Variants in PDE8B observed in about 807,000 individuals in gnomAD.
PDE8B encodes high affinity cAMP-specific and IBMX-insensitive 3',5'-cyclic phosphodiesterase 8B.
A neutral mutation model predicts 101.3 loss-of-function variants in PDE8B; 26 were observed. The observed-to-expected ratio is 0.26, with a 90% CI of 0.19 to 0.36. The LOEUF (loss-of-function observed/expected upper bound fraction) is 0.36, where lower values mean the gene tolerates loss of function less well. Among genes scored for constraint, PDE8B ranks in the 10% least tolerant of loss-of-function variants. PDE8B has a pLI of 1.00. For missense variants in PDE8B, 810 were observed against 1,163.1 expected, an observed-to-expected ratio of 0.70 and a Z score of 4.42; for synonymous variants, 424 against 429.3, an observed-to-expected ratio of 0.99 and a Z score of 0.15.
intron 12 of PDE8B, 63 bp downstream of exon 12, chr5:77,404,860 T>TA (rs896574636): frequency 2.7e-5 from 29 of 1,073,974 alleles, no homozygotes; most frequent in Middle Eastern, 4.0e-4. Flanking sequence ...AAGAATATGT[T>TA]AAAAAATTCA....
the PDE8B span, among the ~76,000 whole-genome samples, chr5:77,165,986 A>AG: frequency 7.5e-6 from 1 of 133,484 alleles, no homozygotes; most frequent in Non-Finnish European, 1.7e-5. Flanking sequence ...AAAAAAAAAA[A>AG]AAAAAGAAAA....
chr5:77,395,362 G>C (rs368777187), intron 10 of PDE8B, among the ~76,000 whole-genome samples: 26 of 151,592 alleles, frequency 1.7e-4, no homozygotes, highest in Non-Finnish European at 3.1e-4. Flanking sequence ...TGATCCGCCC[G>C]CCTCAGCCTC....
At chr5:77,179,966 T>C in the PDE8B span, among the ~76,000 whole-genome samples, 1 of 152,176 alleles carries the variant, frequency 6.6e-6, no homozygotes, top group Admixed American at 6.5e-5. Context: ...TGAAAATCTC[T>C]TTAAAATTAT....
At chr5:77,303,960 C>G (rs1395984486) in intron 1 of PDE8B, among the ~76,000 whole-genome samples, 1 of 152,128 alleles carries the variant, frequency 6.6e-6, no homozygotes, top group Non-Finnish European at 1.5e-5. Flanking sequence ...TATTAATAGA[C>G]TATGGATTCA....
upstream of PDE8B, among the ~76,000 whole-genome samples, chr5:77,206,103 C>T (rs76213989): frequency 0.027 from 4,113 of 152,210 alleles, 200 homozygotes; most frequent in African/African-American, 0.093. Context: ...TAACCCCTTC[C>T]ATTTTGGGTA....
At chr5:77,122,736 C>T in the PDE8B span, among the ~76,000 whole-genome samples, 1 of 152,180 alleles carries the variant, frequency 6.6e-6, no homozygotes, top group Non-Finnish European at 1.5e-5. Context: ...CACTAAAAAT[C>T]CTTTTCAAAA....
chr5:77,219,807 A>G (rs142749935), intron 1 of PDE8B, among the ~76,000 whole-genome samples: 165 of 152,322 alleles, frequency 1.1e-3, no homozygotes, highest in African/African-American at 3.9e-3. Context: ...AGTTGGAACT[A>G]GAAGTCTCTT....
chr5:77,197,229 A>C, the PDE8B span, among the ~76,000 whole-genome samples: 5 of 146,314 alleles, frequency 3.4e-5, no homozygotes, highest in Non-Finnish European at 5.9e-5. Flanking sequence ...CTCCTGCCTC[A>C]CCCTCCCAAG....
chr5:77,097,693 CTATATATATATATCTATA>C, the PDE8B span, among the ~76,000 whole-genome samples: 1 of 30,218 alleles, frequency 3.3e-5, no homozygotes. Context: ...TTTTATATAT[CTATATATATATATCTATA>C]TATATATATA....
chr5:77,097,178 C>G, the PDE8B span, among the ~76,000 whole-genome samples: 21 of 152,036 alleles, frequency 1.4e-4, no homozygotes, highest in Non-Finnish European at 2.8e-4. Flanking sequence ...AGAGAGAAGG[C>G]GAAGGAGGAA....
At chr5:77,182,176 T>C in the PDE8B span, among the ~76,000 whole-genome samples, 2 of 152,054 alleles carry the variant, frequency 1.3e-5, no homozygotes, top group African/African-American at 4.8e-5. Context: ...TGGATTCCAC[T>C]CTGGCAGTAA....
Position 77,427,463 on chromosome 5 carries a change from G to A in PDE8B, c.*909G>A, listed in dbSNP as rs1798355283. 6.6e-6 allele frequency: 1 copy of A among 151,884 alleles called. No homozygotes were observed. The highest frequency in any genetic ancestry group is 1.5e-5 in the Non-Finnish European group (1 of 67,972). The allele number at this position is 151,884 out of a possible 1,614,324, so 9.4% of individuals were successfully genotyped here. A position where few individuals can be genotyped will look rare whatever the true frequency, so the allele number is the denominator to read the frequency against. On this transcript the variant is annotated 3_prime_UTR_variant, in exon 22 of 22. Coordinates refer to ENST00000264917, the MANE Select transcript of PDE8B (RefSeq NM_003719.5). ...ATTTTTATTAAAATCCAAATTTTCT[G>A]GGTGTAAGCCCATGCAGTATGTTGT...
chr5:77,108,572 A>G, the PDE8B span, among the ~76,000 whole-genome samples: 1 of 152,188 alleles, frequency 6.6e-6, no homozygotes, highest in South Asian at 2.1e-4. Flanking sequence ...AGTCCCAGCT[A>G]TTTAGGAGGC....
chr5:77,419,770 C>T lies in PDE8B; in HGVS notation c.2133C>T (p.Asn711=). 1.2e-6 allele frequency: 2 copies of T among 1,613,946 alleles called. No individual in the cohort carries two copies. The highest frequency in any genetic ancestry group is 8.5e-7 in the Non-Finnish European group (1 of 1,179,908). ...CTTTGTCTTGTGGTTATTTTAGGAA[C>T]CATTATCGAACGCTGCGCCAGGCTA... ...KCNIFKNIDR[N]HYRTLRQAII... is the part of the protein sequence containing the mutation. Residue 711 remains asparagine (N), a synonymous_variant, in exon 19 of 22, where the codon AAC becomes AAT. Transcript: ENST00000264917.
intron 2 of PDE8B, among the ~76,000 whole-genome samples, chr5:77,324,806 T>G (rs1327903967): frequency 1.3e-5 from 2 of 152,236 alleles, no homozygotes; most frequent in African/African-American, 2.4e-5. Context: ...TGGAATCAAA[T>G]ATATGTATTG....
At chr5:77,370,974 A>G (rs887963418) in intron 10 of PDE8B, among the ~76,000 whole-genome samples, 7 of 152,070 alleles carry the variant, frequency 4.6e-5, no homozygotes, top group Non-Finnish European at 8.8e-5. Flanking sequence ...ATCCTTTGCT[A>G]TTTTAATTGG....
intron 10 of PDE8B, among the ~76,000 whole-genome samples, chr5:77,360,001 G>C (rs1366187610): frequency 6.6e-6 from 1 of 151,260 alleles, no homozygotes; most frequent in Non-Finnish European, 1.5e-5. Context: ...TGAGGCAGGA[G>C]AATTGCTTAA....
At chr5:77,123,356 T>TCCCCCCCCCCCC in the PDE8B span, among the ~76,000 whole-genome samples, 1 of 145,842 alleles carries the variant, frequency 6.9e-6, no homozygotes, top group Non-Finnish European at 1.5e-5. Flanking sequence ...GTTGAATTCC[T>TCCCCCCCCCCCC]CCCCCACCGC....
chr5:77,156,264 G>C, the PDE8B span, among the ~76,000 whole-genome samples: 5 of 152,136 alleles, frequency 3.3e-5, no homozygotes, highest in African/African-American at 1.2e-4. Flanking sequence ...ATAGGTTGTT[G>C]GTGCTCTGAG....
Sources: allele counts gnomAD v4.1 joint callset (sites outside exome capture counted in the v4.1 genomes callset), GRCh38; gene constraint gnomAD v4.1.1; transcripts MANE v1.5; gene names NCBI Gene and HGNC (gene_info 2026-07-23, HGNC 2026-07-21).